Variants in SRP72 observed in about 807,000 individuals in gnomAD.
SRP72 encodes the protein signal recognition particle subunit SRP72.
Under a neutral mutation model 96.3 loss-of-function variants are expected in SRP72, and 49 were observed. The observed-to-expected ratio is 0.51, with a 90% CI of 0.40 to 0.65. The LOEUF (loss-of-function observed/expected upper bound fraction) is 0.65, where lower values mean the gene tolerates loss of function less well. SRP72 is among the 30% of genes least tolerant of loss of function. The pLI is 0.00. For missense variants in SRP72, 736 were observed against 793.3 expected (o/e 0.93, Z 0.87); for synonymous variants, 267 against 275.2 (o/e 0.97, Z 0.30).
intron 16 of SRP72, among the ~76,000 whole-genome samples, chr4:56,492,045 AC>A (rs1720927410): frequency 6.6e-6 from 1 of 152,054 alleles, no homozygotes; most frequent in South Asian, 2.1e-4. Flanking sequence ...CACCCTTTTG[AC>A]CAGGTTCGTC....
At chr4:56,483,729 AT>A (rs755168339) in intron 9 of SRP72, among the ~76,000 whole-genome samples, 85 of 152,144 alleles carry the variant, frequency 5.6e-4, no homozygotes, top group Non-Finnish European at 7.4e-4. Context: ...TAAACAAGTA[AT>A]TTGCCCAATT....
chr4:56,483,322 G>A, intron 9 of SRP72, 52 bp downstream of exon 9: 4 of 1,546,330 alleles, frequency 2.6e-6, no homozygotes, highest in Non-Finnish European at 3.5e-6. Context: ...TATGGTATAT[G>A]AGGAGTAATA....
In SRP72 at chr4:56,474,300, A is replaced by G; in HGVS notation, c.519A>G (p.Glu173=). 6.2e-7 allele frequency: 1 copy of G among 1,614,078 alleles called. No homozygotes were observed. The highest frequency in any genetic ancestry group is 8.5e-7 in the Non-Finnish European group (1 of 1,179,988). ...GACAGGAGAACCTGGGCCTCCAAGA[A>G]GGCACACATGAGCTGTGCTACAACA... The part of the protein sequence containing the change: ...KVVPENLGLQ[E]GTHELCYNTA... Residue 173 remains glutamate (E), a synonymous_variant, in exon 5 of 19, where the codon GAA becomes GAG. Transcript: ENST00000642900.
chr4:56,476,275 T>G (rs1477412146), intron 5 of SRP72: 1 of 210,168 alleles, frequency 4.8e-6, no homozygotes, highest in Non-Finnish European at 9.4e-6. Context: ...GAGTGAGACC[T>G]CCAACTTTAA....
At chr4:56,467,770 C>T (rs557522032) in intron 1 of SRP72, 26 bp downstream of exon 1, 8 of 567,328 alleles carry the variant, frequency 1.4e-5, no homozygotes, top group South Asian at 6.3e-5. Context: ...GGCACTGGGG[C>T]GGGCCCAGGC....
chr4:56,478,252 A>G (rs1026570492), intron 6 of SRP72, 127 bp from the exon 7 acceptor site: 1 of 848,784 alleles, frequency 1.2e-6, no homozygotes, highest in African/African-American at 1.8e-5. Context: ...TAAAGAACTG[A>G]CTCTAAGGGA....
intron 16 of SRP72, 149 bp from the exon 17 acceptor site, chr4:56,495,208 C>G (rs540244023): frequency 4.4e-6 from 2 of 453,548 alleles, no homozygotes; most frequent in Admixed American, 8.3e-5. Flanking sequence ...TGAATCAAAT[C>G]TTAACTAATT....
intron 5 of SRP72, chr4:56,476,240 CCA>C (rs1720217357): frequency 5.3e-6 from 1 of 187,778 alleles, no homozygotes; most frequent in African/African-American, 2.4e-5. Context: ...TATGATTAAG[CCA>C]CTGCACTCCA....
rs200804327 is a variant in SRP72, at chr4:56,478,354, T to G, written c.643-25T>G. 178 of 1,543,536 alleles carry G rather than the reference T, an allele frequency of 1.2e-4. No homozygotes were observed. The African/African-American group carries it at 2.1e-3, about 18-fold the overall frequency. On this transcript the variant is annotated intron_variant, in intron 6 of 18. Coordinates refer to ENST00000642900, the MANE Select transcript of SRP72 (RefSeq NM_006947.4). ...TGTAGATCAGTTTGGAAAATTTATA[T>G]GGGAAAAACATTTCTTTCTCTTAGG...
intron 17 of SRP72, 110 bp from the exon 18 acceptor site, chr4:56,500,426 A>C (rs571662815): frequency 8.5e-7 from 1 of 1,178,828 alleles, no homozygotes; most frequent in Non-Finnish European, 1.2e-6. Flanking sequence ...TCTCAAATAA[A>C]TTCATTTCCA....
intron 5 of SRP72, chr4:56,476,342 C>A: frequency 6.5e-6 from 2 of 306,908 alleles, no homozygotes; most frequent in Middle Eastern, 9.0e-4. Flanking sequence ...TAGTGTTTAT[C>A]TCTGGGTGGT....
At chr4:56,492,536 C>T (rs186038275) in intron 16 of SRP72, among the ~76,000 whole-genome samples, 18 of 152,190 alleles carry the variant, frequency 1.2e-4, no homozygotes, top group Middle Eastern at 3.4e-3. Flanking sequence ...TTGCTACTTC[C>T]TCCTTTTTTG....
chr4:56,492,200 T>C (rs1720933914), intron 16 of SRP72, among the ~76,000 whole-genome samples: 1 of 152,242 alleles, frequency 6.6e-6, no homozygotes, highest in Admixed American at 6.5e-5. Flanking sequence ...TAGAGATCTT[T>C]CCACGTACTA....
At chr4:56,473,233 G>GC (rs1720049368) in intron 3 of SRP72, among the ~76,000 whole-genome samples, 1 of 152,060 alleles carries the variant, frequency 6.6e-6, no homozygotes, top group Non-Finnish European at 1.5e-5. Flanking sequence ...GCCAAGGCGG[G>GC]CGGATCATGA....
chr4:56,490,035 T>G (rs1315551615), intron 13 of SRP72, among the ~76,000 whole-genome samples: 2 of 151,536 alleles, frequency 1.3e-5, no homozygotes, highest in Admixed American at 6.7e-5. Context: ...GTTTGAGAAC[T>G]ATGGTGGCAT....
intron 17 of SRP72, 186 bp from the exon 18 acceptor site, chr4:56,500,350 G>A: frequency 1.7e-6 from 1 of 591,526 alleles, no homozygotes; most frequent in South Asian, 2.5e-5. Flanking sequence ...ATGTATCCCA[G>A]AACTTAAAGT....
At chr4:56,471,960 C>G (rs1719995617) in intron 3 of SRP72, 117 bp downstream of exon 3, 1 of 1,197,982 alleles carries the variant, frequency 8.3e-7, no homozygotes, top group Non-Finnish European at 1.2e-6. Context: ...AACTGACCAC[C>G]AAACCAGTCC....
At chr4:56,489,315 C>T (rs562429076) in intron 12 of SRP72, 73 bp from the exon 13 acceptor site, 12 of 758,580 alleles carry the variant, frequency 1.6e-5, no homozygotes, top group South Asian at 1.4e-4. Context: ...ATTTCTTCAG[C>T]GTTTTTTATT....
intron 2 of SRP72, among the ~76,000 whole-genome samples, chr4:56,470,303 G>C (rs1230893936): frequency 6.6e-6 from 1 of 152,126 alleles, no homozygotes; most frequent in Non-Finnish European, 1.5e-5. Flanking sequence ...ATTTGTGGGA[G>C]GCCTAAGAGG....
Sources: allele counts gnomAD v4.1 joint callset (sites outside exome capture counted in the v4.1 genomes callset), GRCh38; gene constraint gnomAD v4.1.1; transcripts MANE v1.5; gene names NCBI Gene and HGNC (gene_info 2026-07-23, HGNC 2026-07-21).